The following CNTN1 variants were observed in gnomAD, a reference collection of about 807,000 sequenced individuals.
CNTN1 encodes the protein contactin-1.
A neutral mutation model predicts 126.4 loss-of-function variants in CNTN1; 38 were observed. That is an observed-to-expected ratio of 0.30 (90% CI 0.23 to 0.39). CNTN1 has a LOEUF of 0.39. Ranked by LOEUF, CNTN1 falls within the 10% of genes least tolerant of loss-of-function variation. CNTN1 has a pLI of 1.00. For missense variants in CNTN1, 1,009 were observed against 1,248.4 expected (o/e 0.81, Z 2.89); for synonymous variants, 413 against 422.6 (o/e 0.98, Z 0.28).
intron 1 of CNTN1, among the ~76,000 whole-genome samples, chr12:40,878,816 G>T (rs1943770901): frequency 6.6e-6 from 1 of 152,068 alleles, no homozygotes; most frequent in Admixed American, 6.6e-5. Flanking sequence ...TTTTATGAAA[G>T]AATCAAAGTA....
chr12:40,849,073 G>A (rs561322415), intron 1 of CNTN1, among the ~76,000 whole-genome samples: 30 of 152,172 alleles, frequency 2.0e-4, no homozygotes, highest in African/African-American at 6.7e-4. Context: ...ACTAAGAACC[G>A]AAGAACCTGA....
At chr12:40,891,894 C>T (rs1466225949) in intron 1 of CNTN1, among the ~76,000 whole-genome samples, 1 of 152,020 alleles carries the variant, frequency 6.6e-6, no homozygotes, top group Non-Finnish European at 1.5e-5. Context: ...TCTATGTAAA[C>T]CTTAGAATCA....
At chr12:40,911,930 A>T (rs1376029111) in intron 3 of CNTN1, among the ~76,000 whole-genome samples, 1 of 152,202 alleles carries the variant, frequency 6.6e-6, no homozygotes, top group South Asian at 2.1e-4. Flanking sequence ...GAGCTTTGTC[A>T]TGAAAGTAAA....
intron 6 of CNTN1, 71 bp downstream of exon 6, chr12:40,924,723 T>A (rs1945576635): frequency 3.8e-6 from 3 of 799,346 alleles, no homozygotes; most frequent in South Asian, 2.8e-5. Flanking sequence ...TTCTTAGTAA[T>A]AATGCTACAT....
At chr12:41,036,452 CATGAA>C (rs1168993354) in intron 23 of CNTN1, among the ~76,000 whole-genome samples, 2 of 152,048 alleles carry the variant, frequency 1.3e-5, no homozygotes, top group African/African-American at 4.8e-5. Context: ...TTTTAGGAAA[CATGAA>C]ATGAAATGAA....
At chr12:40,967,200 C>T (rs1012227970) in intron 15 of CNTN1, among the ~76,000 whole-genome samples, 1 of 151,720 alleles carries the variant, frequency 6.6e-6, no homozygotes, top group Admixed American at 6.6e-5. Flanking sequence ...TAATAATAAT[C>T]AGCCTGGTGC....
chr12:41,045,362 A>G (rs1280523897), intron 23 of CNTN1, among the ~76,000 whole-genome samples: 3 of 152,140 alleles, frequency 2.0e-5, no homozygotes, highest in African/African-American at 7.2e-5. Context: ...AAATATAAAA[A>G]CAATTGTCTG....
At chr12:40,868,281 G>C (rs1260123662) in intron 1 of CNTN1, among the ~76,000 whole-genome samples, 2 of 152,056 alleles carry the variant, frequency 1.3e-5, no homozygotes, top group African/African-American at 4.8e-5. Context: ...TCTATACAAA[G>C]ATCATTAAGA....
chr12:40,714,925 A>G (rs934200590), intron 1 of CNTN1, among the ~76,000 whole-genome samples: 2 of 152,132 alleles, frequency 1.3e-5, no homozygotes, highest in South Asian at 2.1e-4. Context: ...TTAGACAAGA[A>G]CTTCAAGTCC....
Position 40,780,686 on chromosome 12 carries a change from GA to G in CNTN1, c.-77+88111del, listed in dbSNP as rs11393889. Among the ~76,000 whole-genome samples, 80 of 128,248 alleles carry G rather than the reference GA, an allele frequency of 6.2e-4. No individual in the cohort carries two copies. The South Asian group carries it at 8.7e-3, about 14-fold the overall frequency. 84.1% of individuals were successfully genotyped at this position (128,248 alleles called of 152,430 possible). On this transcript the variant is annotated intron_variant, in intron 1 of 23. Transcript: ENST00000551295. ...GGCAACACAGTGAGATTCCATCTAA[GA>G]AAAAAAAAAAAAAAAACACCAATCC...
chr12:40,998,221 G>T (rs10879497), intron 17 of CNTN1, among the ~76,000 whole-genome samples: 35,913 of 151,990 alleles, frequency 0.24, 4,574 homozygotes, highest in African/African-American at 0.34. Flanking sequence ...GAAGAAAGCG[G>T]TCATTTTTTA....
At chr12:40,702,419 A>G (rs1941621298) in intron 1 of CNTN1, among the ~76,000 whole-genome samples, 1 of 152,246 alleles carries the variant, frequency 6.6e-6, no homozygotes, top group South Asian at 2.1e-4. Flanking sequence ...TCTCCTATGC[A>G]TGTTTTCAAA....
At chr12:41,053,146 C>G (rs374113658) in intron 23 of CNTN1, among the ~76,000 whole-genome samples, 6 of 151,410 alleles carry the variant, frequency 4.0e-5, no homozygotes, top group African/African-American at 7.2e-5. Flanking sequence ...ATGATGCCAT[C>G]ACATTTGAAA....
At chr12:40,783,711 C>T (rs191053380) in intron 1 of CNTN1, among the ~76,000 whole-genome samples, 27 of 152,056 alleles carry the variant, frequency 1.8e-4, no homozygotes, top group Admixed American at 1.6e-3. Flanking sequence ...GTGTGAAACA[C>T]GTAAATCAGG....
intron 1 of CNTN1, among the ~76,000 whole-genome samples, chr12:40,790,163 T>A (rs1251446817): frequency 1.3e-5 from 2 of 152,126 alleles, no homozygotes; most frequent in Admixed American, 1.3e-4. Context: ...ATGGAAAGAC[T>A]TGTGCAATAC....
Position 40,834,481 on chromosome 12 carries a change from G to A in CNTN1, c.-76-73876G>A, listed in dbSNP as rs1012851504. On this transcript the variant is annotated intron_variant, in intron 1 of 23. Coordinates refer to ENST00000551295, the MANE Select transcript of CNTN1 (RefSeq NM_001843.4). ...TGGAAGGGCAGCAAGGTAGGTGGCT[G>A]GGAGGGAATCTGGAGGCGGAGCTGT... Among the ~76,000 whole-genome samples, 53 of 152,168 alleles carry A rather than the reference G, an allele frequency of 3.5e-4. 1 individual carries two copies. The highest frequency in any genetic ancestry group is 7.4e-5 in the Non-Finnish European group (5 of 68,010).
At chr12:41,024,843 T>A (rs1949004962) in intron 20 of CNTN1, among the ~76,000 whole-genome samples, 1 of 152,182 alleles carries the variant, frequency 6.6e-6, no homozygotes, top group South Asian at 2.1e-4. Flanking sequence ...ACTTTTATAT[T>A]TTGAAAGTAA....
chr12:40,926,334 A>G (rs571159843), intron 6 of CNTN1, among the ~76,000 whole-genome samples: 21 of 152,146 alleles, frequency 1.4e-4, no homozygotes, highest in African/African-American at 4.3e-4. Flanking sequence ...AGGAGCTAAC[A>G]ATATGAGTAT....
chr12:40,858,879 G>A (rs911846582), intron 1 of CNTN1, among the ~76,000 whole-genome samples: 15 of 152,004 alleles, frequency 9.9e-5, no homozygotes, highest in Non-Finnish European at 1.9e-4. Flanking sequence ...ATGCAAGAAC[G>A]GAAAACCAAA....
Sources: allele counts gnomAD v4.1 joint callset (sites outside exome capture counted in the v4.1 genomes callset), GRCh38; gene constraint gnomAD v4.1.1; transcripts MANE v1.5; gene names NCBI Gene and HGNC (gene_info 2026-07-23, HGNC 2026-07-21).